Variants in FARP1 observed in about 807,000 individuals in gnomAD.
The protein encoded by FARP1 is FERM, ARHGEF and pleckstrin domain-containing protein 1.
FARP1 carries 52 observed loss-of-function variants against 128.8 expected under a neutral mutation model. That is an observed-to-expected ratio of 0.40 (90% CI 0.32 to 0.51). FARP1 has a LOEUF of 0.51. Among genes scored for constraint, FARP1 ranks in the 20% least tolerant of loss-of-function variants. FARP1 has a pLI of 0.45. For missense variants in FARP1, 1,333 were observed against 1,367.9 expected, an observed-to-expected ratio of 0.97 and a Z score of 0.40; for synonymous variants, 580 against 551.8, an observed-to-expected ratio of 1.05 and a Z score of -0.72.
At chr13:98,407,487 T>C (rs1891028104) in intron 13 of FARP1, 1 of 152,206 alleles carries the variant, frequency 6.6e-6, no homozygotes. Flanking sequence ...TTGACATTTG[T>C]GAAGCAATTT....
intron 2 of FARP1, among the ~76,000 whole-genome samples, chr13:98,225,630 G>A (rs1881713063): frequency 3.3e-5 from 5 of 152,196 alleles, no homozygotes; most frequent in Admixed American, 3.3e-4. Flanking sequence ...AAAGGCCCGT[G>A]GCCATCTTAG....
intron 17 of FARP1, among the ~76,000 whole-genome samples, chr13:98,428,068 G>A (rs1287224429): frequency 4.6e-5 from 5 of 107,582 alleles, no homozygotes; most frequent in Non-Finnish European, 7.9e-5. Flanking sequence ...TCCCACCCCC[G>A]ACCCGTGCAC....
Position 98,229,884 on chromosome 13 carries a change from C to T in FARP1, c.171+16471C>T, listed in dbSNP as rs1295885160. On this transcript the variant is annotated intron_variant, in intron 2 of 26. Transcript: ENST00000319562. ...ACTACGCCTCTCTCTACTGTATTGG[C>T]TGTTATGGGTTAAGAATATGAAATA... 3.9e-5 allele frequency among the ~76,000 whole-genome samples: 6 copies of T among 152,128 alleles called. No homozygotes were observed. In the South Asian group the frequency reaches 1.3e-3, roughly 32 times the overall value.
At chr13:98,227,451 T>TA (rs61196423) in intron 2 of FARP1, among the ~76,000 whole-genome samples, 42,223 of 141,288 alleles carry the variant, frequency 0.3, 6,468 homozygotes, top group Middle Eastern at 0.47. Context: ...TGGCTACTAT[T>TA]AAAAAAAAAA....
chr13:98,375,632 T>C (rs9554462), intron 5 of FARP1, among the ~76,000 whole-genome samples: 33,912 of 151,974 alleles, frequency 0.22, 4,081 homozygotes, highest in South Asian at 0.39. Flanking sequence ...TTTTATTGTT[T>C]TTGTTTTTGT....
At chr13:98,298,829 G>A (rs1206629865) in intron 2 of FARP1, among the ~76,000 whole-genome samples, 4 of 152,184 alleles carry the variant, frequency 2.6e-5, no homozygotes, top group African/African-American at 9.6e-5. Context: ...TGAGTAGTAT[G>A]TTTCTTGCTG....
intron 2 of FARP1, among the ~76,000 whole-genome samples, chr13:98,241,798 G>A (rs1162366690): frequency 3.9e-5 from 6 of 152,002 alleles, no homozygotes; most frequent in African/African-American, 1.2e-4. Flanking sequence ...GCATGCCTGT[G>A]ATCTCAGCTA....
intron 1 of FARP1, among the ~76,000 whole-genome samples, chr13:98,177,665 C>A (rs146586427): frequency 1.5e-3 from 152 of 101,692 alleles, no homozygotes; most frequent in South Asian, 2.1e-3. Flanking sequence ...AAAAAAAAAA[C>A]CAAAAAAAAA....
rs1307811452 is a variant in FARP1 at position 98,176,822 on chromosome 13, G to A, written c.-24+33330G>A. On this transcript the variant is annotated intron_variant, in intron 1 of 26. Transcript: ENST00000319562. This position sits in a 1 kb window ranked among gnomAD's most constrained non-coding sequence, Gnocchi z 6.2. ...TAGATGTGGTCGTGCTCCCGACCCC[G>A]CAGTGCCTCCTGGACCCGCTGGCTG... is the stretch of plus-strand genomic sequence containing the variant. 4 of 1,612,518 alleles carry A rather than the reference G, an allele frequency of 2.5e-6. No individual in the cohort carries two copies. Among genetic ancestry groups the A allele is most frequent in the African/African-American group, 2.7e-5 (2 of 74,804 alleles).
chr13:98,366,869 A>T (rs530968494), intron 4 of FARP1, among the ~76,000 whole-genome samples: 3 of 152,074 alleles, frequency 2.0e-5, no homozygotes, highest in Middle Eastern at 3.4e-3. Flanking sequence ...CAACATCTTT[A>T]TTGTATGTCA....
At chr13:98,335,475 G>A (rs543862936) in intron 2 of FARP1, among the ~76,000 whole-genome samples, 2 of 152,280 alleles carry the variant, frequency 1.3e-5, no homozygotes, top group South Asian at 4.1e-4. Flanking sequence ...TCCCATGATT[G>A]ACTCACCTCC....
At chr13:98,408,367 G>T (rs1268822446) in intron 13 of FARP1, among the ~76,000 whole-genome samples, 1 of 118,666 alleles carries the variant, frequency 8.4e-6, no homozygotes. Flanking sequence ...TCACTTTGTC[G>T]CCCAGGCTGG....
At chr13:98,389,515 G>A (rs1890225806) in intron 9 of FARP1, 1 of 153,602 alleles carries the variant, frequency 6.5e-6, no homozygotes, top group Non-Finnish European at 1.4e-5. Flanking sequence ...CGGAGCCGTG[G>A]GCGACTTCAC....
At position 98,449,088 on chromosome 13, in the gene FARP1, T is replaced by C. The variant is rs1464027300; in HGVS notation, c.*771T>C. 1 of 152,194 alleles carries C rather than the reference T, an allele frequency of 6.6e-6. No individual in the cohort carries two copies. Among genetic ancestry groups the C allele is most frequent in the East Asian group, 1.9e-4 (1 of 5,188 alleles). 9.4% of individuals were successfully genotyped at this position (152,194 alleles called of 1,614,324 possible). On this transcript the variant is annotated 3_prime_UTR_variant, in exon 27 of 27. Transcript: ENST00000319562. ...AGTGGTGTACACAATGGGAAGATAATAAGCCGTGGTGTTTTGCTGTCTGTC... is the reference window on the plus strand; with the variant it reads ...AGTGGTGTACACAATGGGAAGATAACAAGCCGTGGTGTTTTGCTGTCTGTC...
intron 1 of FARP1, among the ~76,000 whole-genome samples, chr13:98,147,728 C>T (rs1237854061): frequency 6.6e-6 from 1 of 151,908 alleles, no homozygotes; most frequent in African/African-American, 2.4e-5. Context: ...GTGATCATGG[C>T]TCATTGCAGC....
intron 1 of FARP1, among the ~76,000 whole-genome samples, chr13:98,161,939 CT>C (rs1287963905): frequency 2.0e-5 from 3 of 152,082 alleles, no homozygotes; most frequent in Admixed American, 6.6e-5. Context: ...TCTGCCACTT[CT>C]GGCTAATTTT....
chr13:98,395,183 C>G, intron 12 of FARP1, 44 bp from the exon 13 acceptor site: 1 of 1,550,442 alleles, frequency 6.4e-7, no homozygotes, highest in Non-Finnish European at 8.7e-7. Flanking sequence ...ATAACAGTCT[C>G]CCTCTTCTCT....
In FARP1 at chr13:98,173,663, T is replaced by C. The variant is rs533579585; in HGVS notation, c.-24+30171T>C. Reference sequence around the variant, plus strand: ...TCCGAAGGACTTATTGACCATTACGTGTGCCTTCAGTGAACAGAAAAAAGG... The same window carrying C: ...TCCGAAGGACTTATTGACCATTACGCGTGCCTTCAGTGAACAGAAAAAAGG... On this transcript the variant is annotated intron_variant, in intron 1 of 26. Transcript: ENST00000319562. 8.5e-5 allele frequency among the ~76,000 whole-genome samples: 13 copies of C among 152,366 alleles called. 1 individual carries two copies. The South Asian group carries it at 1.7e-3, about 19-fold the overall frequency.
chr13:98,211,104 T>C (rs918692224), intron 1 of FARP1, among the ~76,000 whole-genome samples: 1 of 152,194 alleles, frequency 6.6e-6, no homozygotes, highest in Non-Finnish European at 1.5e-5. Context: ...GTGTTGTTAC[T>C]CTTCCCTCAG....
Sources: gnomAD v4.1 joint callset for allele counts (sites outside exome capture counted in the v4.1 genomes callset) on GRCh38, gnomAD v4.1.1 for gene constraint, Gnocchi (gnomAD v3.1) non-coding constraint, MANE v1.5 for transcripts, NCBI Gene and HGNC (gene_info 2026-07-23, HGNC 2026-07-21) for gene names.